Variants in FAM83F observed in about 807,000 individuals in gnomAD.
FAM83F encodes the protein protein FAM83F.
Under a neutral mutation model 42.9 loss-of-function variants are expected in FAM83F, and 45 were observed. The ratio of observed to expected loss-of-function variants is 1.05; its 90% CI spans 0.83 to 1.35. The LOEUF (loss-of-function observed/expected upper bound fraction) is 1.35. Ranked by LOEUF, FAM83F falls within the 40% of genes most tolerant of loss-of-function variation. The probability of loss-of-function intolerance (pLI) is 0.00; values close to 1 mark genes in which losing one functional copy is unlikely to be tolerated. For synonymous variants in FAM83F, 306 were observed against 298.3 expected (o/e 1.03, Z -0.27); for missense variants, 617 against 695.9 (o/e 0.89, Z 1.28).
intron 1 of FAM83F, among the ~76,000 whole-genome samples, chr22:40,018,319 G>A (rs1044981383): frequency 5.3e-5 from 8 of 152,174 alleles, no homozygotes; most frequent in African/African-American, 1.7e-4. Context: ...TGTGGCTCAC[G>A]GAGATGAGCC....
At chr22:40,016,479 G>A (rs767141888) in intron 1 of FAM83F, among the ~76,000 whole-genome samples, 7 of 149,090 alleles carry the variant, frequency 4.7e-5, no homozygotes, top group Non-Finnish European at 1.0e-4. Flanking sequence ...GATTACAGGT[G>A]TAAGCCACTG....
chr22:40,042,506 G>A lies in FAM83F; in HGVS notation c.*12941G>A, dbSNP rs1231173725. 1.3e-5 allele frequency: 2 copies of A among 152,216 alleles called. No homozygotes were observed. The highest frequency in any genetic ancestry group is 6.5e-5 in the Admixed American group (1 of 15,284). The allele number at this position is 152,216 out of a possible 1,614,324, so 9.4% of individuals were successfully genotyped here. ...AGGAAGCCATTTCTGTCCCTCCCGA[G>A]ATGGAGTCCCATGTCCCTACCATTT... is the stretch of plus-strand genomic sequence containing the variant. On this transcript the variant is annotated 3_prime_UTR_variant, in exon 5 of 5. Transcript: ENST00000333407.
chr22:40,040,011 A>G lies in FAM83F; in HGVS notation c.*10446A>G, dbSNP rs563359904. On this transcript the variant is annotated 3_prime_UTR_variant, in exon 5 of 5. Transcript: ENST00000333407. ...AGCTAGGATAAGAAAATAGAGAAGAAAGGGAAGGAAGCTATTTGAAGGGAG... is the reference window on the plus strand; with the variant it reads ...AGCTAGGATAAGAAAATAGAGAAGAGAGGGAAGGAAGCTATTTGAAGGGAG... 59 of 152,310 alleles carry G rather than the reference A, an allele frequency of 3.9e-4. No homozygotes were observed. The highest frequency in any genetic ancestry group is 1.3e-3 in the African/African-American group (55 of 41,570). The allele number at this position is 152,310 out of a possible 1,614,324, so 9.4% of individuals were successfully genotyped here.
rs184557564 is a variant in FAM83F at position 40,037,263 on chromosome 22, T to A, written c.*7698T>A. ...GGCACATGCCTGTAATCCCAGCTAC[T>A]CGGGAGGCTGAGGCGTAGGAATTGC... is the stretch of plus-strand genomic sequence containing the variant. On this transcript the variant is annotated 3_prime_UTR_variant, in exon 5 of 5. Coordinates refer to ENST00000333407, the MANE Select transcript of FAM83F (RefSeq NM_138435.4). 6.6e-6 allele frequency: 1 copy of A among 152,354 alleles called. No homozygotes were observed. The highest frequency in any genetic ancestry group is 1.9e-4 in the East Asian group (1 of 5,176). 9.4% of individuals were successfully genotyped at this position (152,354 alleles called of 1,614,324 possible). A position where few individuals can be genotyped will look rare whatever the true frequency, so the allele number is the denominator to read the frequency against.
chr22:40,013,807 C>T (rs1296232043), intron 1 of FAM83F, among the ~76,000 whole-genome samples: 1 of 151,516 alleles, frequency 6.6e-6, no homozygotes, highest in Admixed American at 6.6e-5. Context: ...TTTAAAATGC[C>T]CTTTAGTAGA....
chr22:39,998,773 G>C (rs1468178575), intron 1 of FAM83F: 1 of 152,096 alleles, frequency 6.6e-6, no homozygotes, highest in East Asian at 1.9e-4. Context: ...CTGAATGAGG[G>C]ACTTTGTCTA....
chr22:40,019,839 G>A (rs371226861), intron 2 of FAM83F, 48 bp from the exon 3 acceptor site: 209 of 1,564,496 alleles, frequency 1.3e-4, no homozygotes, highest in Admixed American at 7.1e-4. Flanking sequence ...GACCTGGCAC[G>A]GAGGCTGGCC....
intron 4 of FAM83F, among the ~76,000 whole-genome samples, chr22:40,028,958 T>TG (rs1420575619): frequency 6.6e-6 from 1 of 152,130 alleles, no homozygotes; most frequent in Non-Finnish European, 1.5e-5. Flanking sequence ...CTGGGAGCTG[T>TG]GGGCACCTCA....
At chr22:40,016,364 A>G (rs2067492415) in intron 1 of FAM83F, among the ~76,000 whole-genome samples, 1 of 151,550 alleles carries the variant, frequency 6.6e-6, no homozygotes, top group African/African-American at 2.4e-5. Flanking sequence ...CACCATGCCT[A>G]GCTAATTTTT....
intron 1 of FAM83F, among the ~76,000 whole-genome samples, chr22:40,004,997 C>T (rs867800731): frequency 3.3e-5 from 5 of 152,200 alleles, no homozygotes; most frequent in African/African-American, 1.2e-4. Context: ...CACGTGGACT[C>T]ACACTGTTTC....
At chr22:40,005,546 T>C (rs2067422952) in intron 1 of FAM83F, among the ~76,000 whole-genome samples, 1 of 152,262 alleles carries the variant, frequency 6.6e-6, no homozygotes, top group Non-Finnish European at 1.5e-5. Flanking sequence ...TAGCTGGCCT[T>C]GCTCACATGG....
Position 40,032,562 on chromosome 22 carries a change from TTTTTTTTTTTC to T in FAM83F, c.*3010_*3020del, listed in dbSNP as rs1360825591. On this transcript the variant is annotated 3_prime_UTR_variant, in exon 5 of 5. Transcript: ENST00000333407. ...AAAGAGGGGAAAGTGGGCTATTTCT[TTTTTTTTTTTC>T]TTTTTTTTTTCTGAGACAGAGTCTC... 1.3e-5 allele frequency: 2 copies of T among 149,002 alleles called. No homozygotes were observed. Among genetic ancestry groups the T allele is most frequent in the East Asian group, 2.0e-4 (1 of 5,104 alleles). 9.2% of individuals were successfully genotyped at this position (149,002 alleles called of 1,614,324 possible).
At chr22:40,028,826 C>G (rs1005170484) in intron 4 of FAM83F, among the ~76,000 whole-genome samples, 1 of 152,196 alleles carries the variant, frequency 6.6e-6, no homozygotes, top group African/African-American at 2.4e-5. Flanking sequence ...GGTGGCAGCT[C>G]TTGGCCAGCG....
At position 40,021,493 on chromosome 22, in the gene FAM83F, C is replaced by T; in HGVS notation, c.983C>T (p.Ala328Val). Residue 328 changes from alanine (A) to valine (V), a missense_variant, in exon 4 of 5, where the codon GCC becomes GTC. Coordinates refer to ENST00000333407, the MANE Select transcript of FAM83F (RefSeq NM_138435.4). This position sits in a 1 kb window ranked among gnomAD's most constrained non-coding sequence, Gnocchi z 8.7. ...CGAAAGCTTATCAACCCCAAGTACG[C>T]CTTGGTGTCAGGCTGCCGCCACCCG... Reference protein sequence around the residue: ...VARKLINPKYALVSGCRHPPG... With the variant: ...VARKLINPKYVLVSGCRHPPG... The T allele has an allele frequency of 1.9e-6, 3 of 1,590,172 alleles. No homozygotes were observed. Among genetic ancestry groups the T allele is most frequent in the Non-Finnish European group, 2.6e-6 (3 of 1,163,450 alleles).
At chr22:40,003,518 G>C (rs762395218) in intron 1 of FAM83F, among the ~76,000 whole-genome samples, 1 of 151,216 alleles carries the variant, frequency 6.6e-6, no homozygotes, top group Admixed American at 6.6e-5. Context: ...CCAGGGCTGC[G>C]TCCTAGCTGA....
chr22:39,999,361 G>A lies in FAM83F; in HGVS notation c.489+3830G>A, dbSNP rs140111174. Among the ~76,000 whole-genome samples, 359 of 152,238 alleles carry A rather than the reference G, an allele frequency of 2.4e-3. 7 individuals are homozygous for A. In the East Asian group the frequency reaches 0.029, roughly 12 times the overall value. ...GCATCCAATTTTGAGGCTGCTGGGC[G>A]GATTTAGAGAACGTTGCCTTGTGCT... On this transcript the variant is annotated intron_variant, in intron 1 of 4. Transcript: ENST00000333407.
intron 1 of FAM83F, among the ~76,000 whole-genome samples, chr22:40,013,369 T>A (rs764908500): frequency 3.9e-5 from 6 of 152,212 alleles, no homozygotes; most frequent in East Asian, 1.9e-4. Context: ...AAAGGGCATT[T>A]TTTTTCTCCA....
rs1201613233 is a variant in FAM83F at position 40,041,934 on chromosome 22, C to T, written c.*12369C>T. 2 of 151,794 alleles carry T rather than the reference C, an allele frequency of 1.3e-5. No homozygotes were observed. Among genetic ancestry groups the T allele is most frequent in the Non-Finnish European group, 2.9e-5 (2 of 67,996 alleles). The allele number at this position is 151,794 out of a possible 1,614,324, so 9.4% of individuals were successfully genotyped here. On this transcript the variant is annotated 3_prime_UTR_variant, in exon 5 of 5. Transcript: ENST00000333407. ...GGCTGGAGTGCAGTGGTGTGGCTCA[C>T]TGCAGCCTTGAACTCCCAGGCTCAA...
chr22:40,021,357 C>A lies in FAM83F; in HGVS notation c.847C>A (p.Pro283Thr). ...GCTCCTGACAGGACAGAACGTAGAG[C>A]CCTTTGACACGGAGTTCCGGGAGCT... ...LLLLTGQNVE[P>T]FDTEFRELYA... Residue 283 changes from proline to threonine, a missense_variant, in exon 4 of 5, where the codon CCC becomes ACC. Physicochemically the swap from Pro to Thr is conservative, Grantham distance 38. Coordinates refer to ENST00000333407, the MANE Select transcript of FAM83F (RefSeq NM_138435.4). This position sits in a 1 kb window ranked among gnomAD's most constrained non-coding sequence, Gnocchi z 8.7. 6.2e-7 allele frequency: 1 copy of A among 1,608,892 alleles called. No individual in the cohort carries two copies. Among genetic ancestry groups the A allele is most frequent in the Non-Finnish European group, 8.5e-7 (1 of 1,176,418 alleles).
Sources: gnomAD v4.1 joint callset for allele counts (sites outside exome capture counted in the v4.1 genomes callset) on GRCh38, gnomAD v4.1.1 for gene constraint, Gnocchi (gnomAD v3.1) non-coding constraint, MANE v1.5 for transcripts, NCBI Gene and HGNC (gene_info 2026-07-23, HGNC 2026-07-21) for gene names.